The following PGF variants were observed in gnomAD, a reference collection of about 807,000 sequenced individuals.
PGF encodes placental growth factor.
A neutral mutation model predicts 25.3 loss-of-function variants in PGF; 11 were observed. That is an observed-to-expected ratio of 0.43 (90% CI 0.27 to 0.72). PGF has a LOEUF of 0.72. Ranked by LOEUF, PGF falls within the 30% of genes least tolerant of loss-of-function variation. PGF has a pLI of 0.18. For missense variants in PGF, 230 were observed against 234.9 expected (o/e 0.98, Z 0.14); for synonymous variants, 105 against 97.9 (o/e 1.07, Z -0.43).
intron 2 of PGF, among the ~76,000 whole-genome samples, chr14:74,951,360 C>G (rs891341975): frequency 6.6e-6 from 1 of 152,224 alleles, no homozygotes; most frequent in South Asian, 2.1e-4. Context: ...CTTTGCAATC[C>G]TGGGTCAGAG....
In PGF at chr14:74,955,289, G is replaced by C; in HGVS notation, c.-47C>G. On this transcript the variant is annotated 5_prime_UTR_variant, in exon 1 of 7. Transcript: ENST00000555567. The surrounding 1 kb of genome is among the most constrained non-coding windows in gnomAD (Gnocchi z 4.1). ...GGGGGCTCCGAGGGAAAACCACCAT[G>C]CTCATCCCCCGGGGAGCCCCTGGCA... is the stretch of plus-strand genomic sequence containing the variant. The C allele has an allele frequency of 2.4e-6, 3 of 1,249,994 alleles. No homozygotes were observed. The South Asian group carries it at 5.3e-5, about 22-fold the overall frequency. 77.4% of individuals were successfully genotyped at this position (1,249,994 alleles called of 1,614,324 possible).
At chr14:74,954,192 G>T in intron 1 of PGF, 1 of 551,602 alleles carries the variant, frequency 1.8e-6, no homozygotes, top group Non-Finnish European at 3.3e-6. Context: ...AGAAGCTTTT[G>T]GAGACCCTTG....
At position 74,948,519 on chromosome 14, in the gene PGF, C is replaced by T. The variant is rs764795497; in HGVS notation, c.380G>A (p.Arg127His). Residue 127 changes from arginine (R) to histidine (H), a missense_variant, in exon 4 of 7, where the codon CGC (arginine) becomes CAC (histidine). Physicochemically the swap from Arg to His is conservative, Grantham distance 29. Transcript: ENST00000555567. ...YVELTFSQHV[R>H]CECRPLREKM... ...CCCGGAGACCTACCGGCATTCGCAG[C>T]GAACGTGCTGAGAGAACGTCAGCTC... The T allele has an allele frequency of 1.4e-5, 23 of 1,595,246 alleles. No individual in the cohort carries two copies. Among genetic ancestry groups the T allele is most frequent in the Admixed American group, 5.1e-5 (3 of 59,266 alleles).
At chr14:74,948,424 C>G (rs1417285706) in intron 4 of PGF, 83 bp downstream of exon 4, 1 of 801,892 alleles carries the variant, frequency 1.2e-6, no homozygotes, top group Non-Finnish European at 2.0e-6. Flanking sequence ...CAGCCTTTGC[C>G]TCTGCCCTGG....
At position 74,955,262 on chromosome 14, in the gene PGF, C is replaced by A; in HGVS notation, c.-20G>T. 1.4e-6 allele frequency: 2 copies of A among 1,414,208 alleles called. No individual in the cohort carries two copies. The highest frequency in any genetic ancestry group is 1.9e-6 in the Non-Finnish European group (2 of 1,068,054). The allele number at this position is 1,414,208 out of a possible 1,614,324, so 87.6% of individuals were successfully genotyped here. Reference sequence around the variant, plus strand: ...CGGCATCTTCTCAGACGTCCCGAGCCAGGGGGCTCCGAGGGAAAACCACCA... The same window carrying A: ...CGGCATCTTCTCAGACGTCCCGAGCAAGGGGGCTCCGAGGGAAAACCACCA... On this transcript the variant is annotated 5_prime_UTR_variant, in exon 1 of 7. Transcript: ENST00000555567. This position sits in a 1 kb window ranked among gnomAD's most constrained non-coding sequence, Gnocchi z 4.1.
At chr14:74,947,844 C>T (rs185376455) in intron 4 of PGF, 1 of 152,446 alleles carries the variant, frequency 6.6e-6, no homozygotes, top group East Asian at 1.9e-4. Flanking sequence ...GTACCAGGAG[C>T]AGCAGCTCAG....
rs117132295 is a variant in PGF at position 74,951,370 on chromosome 14, G to A, written c.119-1817C>T. On this transcript the variant is annotated intron_variant, in intron 2 of 6. Coordinates refer to ENST00000555567, the MANE Select transcript of PGF (RefSeq NM_002632.6). ...CCTGCCTTTGCAATCCTGGGTCAGAGAGCACCTCCCTATCACCAGCTCCTT... is the reference window on the plus strand; with the variant it reads ...CCTGCCTTTGCAATCCTGGGTCAGAAAGCACCTCCCTATCACCAGCTCCTT... Among the ~76,000 whole-genome samples, 736 of 152,334 alleles carry A rather than the reference G, an allele frequency of 4.8e-3. 4 individuals are homozygous for A. Among genetic ancestry groups the A allele is most frequent in the Non-Finnish European group, 8.6e-3 (587 of 68,030 alleles).
chr14:74,949,540 C>A lies in PGF; in HGVS notation c.132G>T (p.Gln44His). The A allele has an allele frequency of 6.3e-7, 1 of 1,579,382 alleles. No individual in the cohort carries two copies. Among genetic ancestry groups the A allele is most frequent in the Middle Eastern group, 2.0e-4 (1 of 4,938 alleles). The change falls in exon 3 of 7, where the codon CAG (glutamine) becomes CAT (histidine). Residue 44 changes from glutamine (Q) to histidine (H), a missense_variant. Transcript: ENST00000555567. The part of the protein sequence containing the change: ...GSSEVEVVPF[Q>H]EVWGRSYCRA... Reference sequence around the variant, plus strand: ...GGCAGTAGCTGCGGCCCCACACTTCCTGGAAGGGTACCACTGCGAGGAAGC... The same window carrying A: ...GGCAGTAGCTGCGGCCCCACACTTCATGGAAGGGTACCACTGCGAGGAAGC...
intron 1 of PGF, among the ~76,000 whole-genome samples, chr14:74,954,763 A>G (rs1029920058): frequency 6.6e-6 from 1 of 151,990 alleles, no homozygotes; most frequent in African/African-American, 2.4e-5. Context: ...CAGCTTCTTC[A>G]GCTGGCTCCT....
chr14:74,948,784 C>T (rs542960860), intron 3 of PGF, among the ~76,000 whole-genome samples: 1 of 152,268 alleles, frequency 6.6e-6, no homozygotes, highest in East Asian at 1.9e-4. Context: ...CCTCCCTGCC[C>T]GGGAGCACTA....
rs762510592 is a variant in PGF, at chr14:74,948,507, C to T, written c.392G>A (p.Arg131Gln). 15 of 1,586,210 alleles carry T rather than the reference C, an allele frequency of 9.5e-6. No homozygotes were observed. Among genetic ancestry groups the T allele is most frequent in the Non-Finnish European group, 1.1e-5 (13 of 1,158,198 alleles). Residue 131 changes from arginine (R) to glutamine (Q), a missense_variant and splice_region_variant, in exon 4 of 7, where the codon CGG (arginine) becomes CAG (glutamine). Physicochemically the swap from Arg to Gln is conservative, Grantham distance 43 (BLOSUM62 1). Transcript: ENST00000555567. The stretch of plus-strand genomic sequence containing the variant: ...TACCCACCCGACCCCGGAGACCTAC[C>T]GGCATTCGCAGCGAACGTGCTGAGA... ...TFSQHVRCEC[R>Q]PLREKMKPER...
chr14:74,946,345 G>T (rs751930429), intron 5 of PGF, 34 bp downstream of exon 5: 1 of 1,613,928 alleles, frequency 6.2e-7, no homozygotes, highest in African/African-American at 1.3e-5. Flanking sequence ...TGGCAGGCCC[G>T]AGAATAGCCC....
Position 74,955,190 on chromosome 14 carries a change from G to A in PGF, c.53C>T (p.Ala18Val). The A allele has an allele frequency of 2.0e-6, 3 of 1,484,676 alleles. No individual in the cohort carries two copies. The highest frequency in any genetic ancestry group is 2.2e-5 in the Admixed American group (1 of 45,272). 92.0% of individuals were successfully genotyped at this position (1,484,676 alleles called of 1,614,324 possible). A position where few individuals can be genotyped will look rare whatever the true frequency, so the allele number is the denominator to read the frequency against. ...TACCTGGGGGGGCACAGCAGGCAGC[G>A]CCAGCCCGGCCAGGAGCTGCAGGAA... ...PCFLQLLAGL[A>V]LPAVPPQQWA... Residue 18 changes from alanine to valine, a missense_variant, in exon 1 of 7, where the codon GCG (alanine) becomes GTG (valine). By Grantham distance (64) the Ala-to-Val change is moderately conservative. Coordinates refer to ENST00000555567, the MANE Select transcript of PGF (RefSeq NM_002632.6). This position sits in a 1 kb window ranked among gnomAD's most constrained non-coding sequence, Gnocchi z 4.1.
At chr14:74,951,481 A>T (rs1352367066) in intron 2 of PGF, among the ~76,000 whole-genome samples, 1 of 152,246 alleles carries the variant, frequency 6.6e-6, no homozygotes, top group East Asian at 1.9e-4. Flanking sequence ...AAATAACAGC[A>T]GAGGAATAAT....
Position 74,942,386 on chromosome 14 carries a change from T to C in PGF, c.*320A>G. 2.9e-6 allele frequency: 1 copy of C among 339,866 alleles called. No individual in the cohort carries two copies. Among genetic ancestry groups the C allele is most frequent in the Non-Finnish European group, 5.4e-6 (1 of 186,118 alleles). 21.1% of individuals were successfully genotyped at this position (339,866 alleles called of 1,614,324 possible). A position where few individuals can be genotyped will look rare whatever the true frequency, so the allele number is the denominator to read the frequency against. On this transcript the variant is annotated 3_prime_UTR_variant, in exon 7 of 7. Transcript: ENST00000555567. ...AAGAACAGGTAGCAGGGCCCCCTTC[T>C]TTCCTTCTGCAGGCCCCTGGAGACC...
intron 4 of PGF, 184 bp downstream of exon 4, chr14:74,948,323 T>G (rs1324481580): frequency 2.1e-6 from 1 of 486,330 alleles, no homozygotes; most frequent in Non-Finnish European, 3.7e-6. Flanking sequence ...AACTGGCTGG[T>G]GGGGGGACAA....
intron 3 of PGF, 74 bp from the exon 4 acceptor site, chr14:74,948,657 G>T: frequency 1.1e-6 from 1 of 934,712 alleles, no homozygotes; most frequent in Non-Finnish European, 1.7e-6. Flanking sequence ...CTCTCTCCTT[G>T]TAAGGAGAAC....
intron 2 of PGF, among the ~76,000 whole-genome samples, chr14:74,952,434 G>T (rs1011805798): frequency 9.8e-5 from 15 of 152,394 alleles, no homozygotes; most frequent in African/African-American, 3.6e-4. Context: ...GCGACCCCCA[G>T]GGCCTCTCTG....
At chr14:74,943,662 G>T (rs561666330) in intron 6 of PGF, among the ~76,000 whole-genome samples, 2 of 152,258 alleles carry the variant, frequency 1.3e-5, no homozygotes, top group South Asian at 4.1e-4. Flanking sequence ...TCTCAGTCTG[G>T]CAGGAAGTAA....
Sources: gnomAD v4.1 joint callset for allele counts (sites outside exome capture counted in the v4.1 genomes callset) on GRCh38, gnomAD v4.1.1 for gene constraint, Gnocchi (gnomAD v3.1) non-coding constraint, MANE v1.5 for transcripts, NCBI Gene and HGNC (gene_info 2026-07-23, HGNC 2026-07-21) for gene names.